The following DLC1 variants were observed in gnomAD, a reference collection of about 807,000 sequenced individuals.
DLC1 encodes rho GTPase-activating protein 7.
In DLC1, 54 loss-of-function variants were observed where a neutral mutation model predicts 140.3. That is an observed-to-expected ratio of 0.38 (90% CI 0.31 to 0.48). The LOEUF is 0.48. DLC1 is among the 20% of genes least tolerant of loss of function. DLC1 has a pLI of 0.96. For missense variants in DLC1, 2,536 were observed against 1,907.0 expected (o/e 1.33, Z -6.14); for synonymous variants, 986 against 728.1 (o/e 1.35, Z -5.70).
chr8:13,243,332 C>T lies in DLC1; in HGVS notation c.1348+61937G>A, dbSNP rs115865391. Among the ~76,000 whole-genome samples the T allele has an allele frequency of 8.4e-3, 1,249 of 147,958 alleles. 21 individuals carry two copies. The highest frequency in any genetic ancestry group is 0.03 in the African/African-American group (1,191 of 40,298). ...AAAAAAAAAAGTGTGTAGCATTTCACTCTTTGTCTCTCTCCTGCCACCATG... is the reference window on the plus strand; with the variant it reads ...AAAAAAAAAAGTGTGTAGCATTTCATTCTTTGTCTCTCTCCTGCCACCATG... On this transcript the variant is annotated intron_variant, in intron 5 of 17. Transcript: ENST00000276297.
At chr8:13,561,138 G>C (rs988653478) in intron 1 of DLC1, among the ~76,000 whole-genome samples, 5 of 139,108 alleles carry the variant, frequency 3.6e-5, no homozygotes, top group Non-Finnish European at 7.7e-5. Flanking sequence ...TTTTTTTTGA[G>C]ACAGAAATAT....
chr8:13,214,433 T>C (rs1038259808), intron 5 of DLC1: 1 of 537,772 alleles, frequency 1.9e-6, no homozygotes, highest in African/African-American at 1.9e-5. Flanking sequence ...CCTTGCAGCT[T>C]TGCACTGTCA....
At chr8:13,268,090 T>G (rs1168845134) in intron 5 of DLC1, among the ~76,000 whole-genome samples, 1 of 152,208 alleles carries the variant, frequency 6.6e-6, no homozygotes, top group Admixed American at 6.5e-5. Context: ...ATTTAAAGTA[T>G]AACTTCCAAT....
At chr8:13,522,688 T>C (rs913507055) in intron 1 of DLC1, among the ~76,000 whole-genome samples, 6 of 151,794 alleles carry the variant, frequency 4.0e-5, no homozygotes, top group African/African-American at 1.5e-4. Flanking sequence ...AATTATGTAG[T>C]ATTATGTAGT....
chr8:13,344,980 A>C (rs1204179889), intron 4 of DLC1, among the ~76,000 whole-genome samples: 1 of 152,190 alleles, frequency 6.6e-6, no homozygotes, highest in Non-Finnish European at 1.5e-5. Context: ...CGATAAAAAC[A>C]AGTTATTCTG....
intron 1 of DLC1, among the ~76,000 whole-genome samples, chr8:13,547,934 C>T (rs1186452287): frequency 6.6e-6 from 1 of 151,916 alleles, no homozygotes; most frequent in Admixed American, 6.6e-5. Flanking sequence ...GCTTCATCTT[C>T]AAAATTCTGT....
chr8:13,398,391 G>A (rs1837144497), intron 3 of DLC1, among the ~76,000 whole-genome samples: 1 of 152,088 alleles, frequency 6.6e-6, no homozygotes, highest in African/African-American at 2.4e-5. Context: ...ATGTTGTGGT[G>A]AGAGACTGCA....
intron 2 of DLC1, among the ~76,000 whole-genome samples, chr8:13,440,750 A>G (rs1358691388): frequency 5.3e-5 from 8 of 152,130 alleles, no homozygotes; most frequent in Non-Finnish European, 1.2e-4. Flanking sequence ...GTGAAAGTGA[A>G]TAAGTCTCAC....
chr8:13,579,959 CT>C (rs1805024933), intron 1 of DLC1, among the ~76,000 whole-genome samples: 1 of 151,942 alleles, frequency 6.6e-6, no homozygotes, highest in African/African-American at 2.4e-5. Flanking sequence ...AGTTATTCCT[CT>C]TAGCCTAGTA....
At chr8:13,502,948 G>T (rs72603985) in intron 1 of DLC1, among the ~76,000 whole-genome samples, 5,138 of 152,226 alleles carry the variant, frequency 0.034, 309 homozygotes, top group East Asian at 0.22. Context: ...CATCACAAGA[G>T]ACTGTATGTA....
chr8:13,452,772 GTT>G (rs1360453428), intron 2 of DLC1, among the ~76,000 whole-genome samples: 2 of 152,136 alleles, frequency 1.3e-5, no homozygotes, highest in Non-Finnish European at 2.9e-5. Context: ...TTCAGGGTTA[GTT>G]TAAGCATACA....
At position 13,341,128 on chromosome 8, in the gene DLC1, A is replaced by G. The variant is rs2116983865; in HGVS notation, c.1315-35826T>C. On this transcript the variant is annotated intron_variant, in intron 4 of 17. Coordinates refer to ENST00000276297, the MANE Select transcript of DLC1 (RefSeq NM_182643.3). ...TTTCAGCAAAAGTACTGTTTTTCACATTGAACTAATTTCTTTAGCTTATAA... is the reference window on the plus strand; with the variant it reads ...TTTCAGCAAAAGTACTGTTTTTCACGTTGAACTAATTTCTTTAGCTTATAA... The G allele has an allele frequency of 2.6e-5, 4 of 152,338 alleles. No homozygotes were observed. In the South Asian group the frequency reaches 8.3e-4, roughly 32 times the overall value. The allele number at this position is 152,338 out of a possible 1,614,324, so 9.4% of individuals were successfully genotyped here.
At chr8:13,356,078 A>C (rs1834929719) in intron 4 of DLC1, among the ~76,000 whole-genome samples, 1 of 120,544 alleles carries the variant, frequency 8.3e-6, no homozygotes, top group Non-Finnish European at 1.7e-5. Context: ...TGACAGAGCA[A>C]GACTCCATCT....
chr8:13,443,553 A>T (rs1585116988), intron 2 of DLC1, among the ~76,000 whole-genome samples: 1 of 149,822 alleles, frequency 6.7e-6, no homozygotes, highest in East Asian at 2.0e-4. Flanking sequence ...CAGCTACTTG[A>T]GAGGCTGAGG....
chr8:13,512,174 G>T (rs1446952440), intron 1 of DLC1, among the ~76,000 whole-genome samples: 1 of 152,024 alleles, frequency 6.6e-6, no homozygotes. Flanking sequence ...TTGAAAGGAA[G>T]TGTTGAATAG....
In DLC1 at chr8:13,369,690, C is replaced by T. The variant is rs891965136; in HGVS notation, c.1314+23863G>A. Among the ~76,000 whole-genome samples the T allele has an allele frequency of 4.6e-5, 7 of 152,192 alleles. No homozygotes were observed. The South Asian group carries it at 1.0e-3, about 23-fold the overall frequency. On this transcript the variant is annotated intron_variant, in intron 4 of 17. Coordinates refer to ENST00000276297, the MANE Select transcript of DLC1 (RefSeq NM_182643.3). ...AAGAACAATTTTACCAGCACTGCTG[C>T]TAGCTACTTCCTTGGTCCAGACACC...
At chr8:13,529,231 G>C (rs1256247787) in intron 1 of DLC1, among the ~76,000 whole-genome samples, 1 of 152,144 alleles carries the variant, frequency 6.6e-6, no homozygotes, top group Non-Finnish European at 1.5e-5. Context: ...ATTAAATACA[G>C]CAGATGTTTT....
At chr8:13,191,195 G>A (rs571451797) in intron 5 of DLC1, among the ~76,000 whole-genome samples, 1 of 152,120 alleles carries the variant, frequency 6.6e-6, no homozygotes, top group African/African-American at 2.4e-5. Context: ...TAAATTGGGG[G>A]TTTGCTTACA....
upstream of DLC1, among the ~76,000 whole-genome samples, chr8:13,517,547 T>A (rs1802628946): frequency 6.6e-6 from 1 of 152,188 alleles, no homozygotes; most frequent in African/African-American, 2.4e-5. Flanking sequence ...TATAAAGGCT[T>A]TACCAAATAT....
Sources: allele counts gnomAD v4.1 joint callset (sites outside exome capture counted in the v4.1 genomes callset), GRCh38; gene constraint gnomAD v4.1.1; transcripts MANE v1.5; gene names NCBI Gene and HGNC (gene_info 2026-07-23, HGNC 2026-07-21).